FAHD2B: variants seen among roughly 807,000 people sequenced by gnomAD.
FAHD2B encodes the protein fumarylacetoacetate hydrolase domain containing 2B, also known as oxaloacetate tautomerase FAHD2B, mitochondrial.
A neutral mutation model predicts 33.7 loss-of-function variants in FAHD2B; 26 were observed. The ratio of observed to expected loss-of-function variants is 0.77; its 90% CI spans 0.57 to 1.07. FAHD2B has a LOEUF of 1.07. Among genes scored for constraint, FAHD2B ranks in the 50% least tolerant of loss-of-function variants. The pLI, the probability that FAHD2B is intolerant of heterozygous loss-of-function variation, is 0.00. For missense variants in FAHD2B, 272 were observed against 388.1 expected, an observed-to-expected ratio of 0.70 and a Z score of 2.51; for synonymous variants, 108 against 150.9, an observed-to-expected ratio of 0.72 and a Z score of 2.08.
At chr2:97,089,899 A>G (rs2032229342) in intron 4 of FAHD2B, 5 of 613,810 alleles carry the variant, frequency 8.1e-6, no homozygotes, top group Non-Finnish European at 8.8e-6. Flanking sequence ...TGTTTTATCT[A>G]CAGTGAAGGT....
downstream of FAHD2B, among the ~76,000 whole-genome samples, chr2:97,079,813 C>T (rs1406422781): frequency 1.3e-5 from 2 of 151,796 alleles, no homozygotes; most frequent in Admixed American, 6.6e-5. Context: ...TACAGGCATG[C>T]ACCACCACGC....
chr2:97,082,665 C>T, downstream of FAHD2B: 1 of 1,564,420 alleles, frequency 6.4e-7, no homozygotes. Flanking sequence ...GCTCCCTGTC[C>T]TCCCTACCTA....
At chr2:97,086,488 CT>C (rs1258099126) in intron 4 of FAHD2B, 30 of 438,268 alleles carry the variant, frequency 6.8e-5, no homozygotes, top group Non-Finnish European at 7.1e-5. Flanking sequence ...ACTCTGGATA[CT>C]TTTAACAAAG....
At position 97,091,533 on chromosome 2, in the gene FAHD2B, A is replaced by G; in HGVS notation, c.174T>C (p.Phe58=). The G allele has an allele frequency of 1.2e-6, 2 of 1,613,604 alleles. No individual in the cohort carries two copies. Among genetic ancestry groups the G allele is most frequent in the Non-Finnish European group, 1.7e-6 (2 of 1,179,924 alleles). Reference sequence around the variant, plus strand: ...TCATCGTCTTTGGGAGTGTGGGGTCAAAGGCATTGAGGTTGATAACCCCTC... The same window carrying G: ...TCATCGTCTTTGGGAGTGTGGGGTCGAAGGCATTGAGGTTGATAACCCCTC... ...NGGGVINLNA[F]DPTLPKTMTQ... Residue 58 remains phenylalanine, a synonymous_variant, in exon 3 of 9, where the codon TTT becomes TTC. Coordinates refer to ENST00000414820, the MANE Select transcript of FAHD2B (RefSeq NM_001320848.2).
downstream of FAHD2B, chr2:97,082,414 A>C: frequency 6.2e-7 from 1 of 1,613,696 alleles, no homozygotes; most frequent in South Asian, 1.1e-5. Context: ...GGCTACACAG[A>C]CCAGCTGTTC....
chr2:97,089,254 C>T (rs1456554493), intron 4 of FAHD2B, among the ~76,000 whole-genome samples: 6 of 151,938 alleles, frequency 3.9e-5, no homozygotes, highest in South Asian at 4.2e-4. Context: ...GGTGTGGTGA[C>T]TCACACCTGT....
chr2:97,083,978 A>G lies in FAHD2B; in HGVS notation c.852T>C (p.Gly284=). 1.9e-6 allele frequency: 3 copies of G among 1,613,812 alleles called. No homozygotes were observed. Among genetic ancestry groups the G allele is most frequent in the Non-Finnish European group, 2.5e-6 (3 of 1,179,972 alleles). ...VILTGTPPGV[G]VFRKPPVFLK... is the part of the protein sequence containing the mutation. ...GAAAGACAGGAGGTTTCCTGAATAC[A>G]CCGACACCTGGGGGGGTCCCAGTTA... The change falls in exon 8 of 9, where the codon GGT becomes GGC. Residue 284 remains glycine, a synonymous_variant. Transcript: ENST00000414820.
At chr2:97,090,394 G>T (rs2153383497) in intron 3 of FAHD2B, 69 bp from the exon 4 acceptor site, 1 of 1,471,462 alleles carries the variant, frequency 6.8e-7, no homozygotes, top group Non-Finnish European at 9.0e-7. Flanking sequence ...AGGCTGGGCA[G>T]ATCCTGCAGC....
At chr2:97,090,521 A>G (rs951095397) in intron 3 of FAHD2B, among the ~76,000 whole-genome samples, 196 bp from the exon 4 acceptor site, 21 of 152,202 alleles carry the variant, frequency 1.4e-4, no homozygotes, top group East Asian at 9.6e-4. Flanking sequence ...TTTATCCAGT[A>G]TTGATTTCCT....
At chr2:97,088,221 A>G (rs1340691623) in intron 4 of FAHD2B, among the ~76,000 whole-genome samples, 1 of 152,134 alleles carries the variant, frequency 6.6e-6, no homozygotes, top group Non-Finnish European at 1.5e-5. Context: ...AATTGTTGCA[A>G]AACAGACCAT....
downstream of FAHD2B, chr2:97,082,740 G>C: frequency 6.4e-7 from 1 of 1,565,700 alleles, no homozygotes; most frequent in Middle Eastern, 1.7e-4. Flanking sequence ...GTGCTATCTG[G>C]ACCTTCAGAG....
At chr2:97,093,850 G>A (rs2032505873) in intron 1 of FAHD2B, among the ~76,000 whole-genome samples, 2 of 152,120 alleles carry the variant, frequency 1.3e-5, no homozygotes, top group Non-Finnish European at 2.9e-5. Flanking sequence ...GGCTTAAAGC[G>A]GTTAAGGGAT....
downstream of FAHD2B, chr2:97,083,073 C>T: frequency 6.9e-7 from 1 of 1,445,570 alleles, no homozygotes; most frequent in Non-Finnish European, 9.2e-7. Flanking sequence ...GGGGGACAGG[C>T]CTGGCCCCTG....
chr2:97,089,644 A>AC (rs2032209587), intron 4 of FAHD2B: 1 of 157,620 alleles, frequency 6.3e-6, no homozygotes, highest in Non-Finnish European at 1.4e-5. Flanking sequence ...TCCAGCAGTA[A>AC]GGTACTCAGG....
At chr2:97,081,180 C>A, downstream of FAHD2B, 1 of 1,483,120 alleles carries the variant, frequency 6.7e-7, no homozygotes, top group Non-Finnish European at 9.0e-7. Flanking sequence ...TGCTGCTGAG[C>A]CAGAATGAGC....
downstream of FAHD2B, among the ~76,000 whole-genome samples, chr2:97,080,205 T>C (rs1173778460): frequency 6.6e-6 from 1 of 152,138 alleles, no homozygotes; most frequent in African/African-American, 2.4e-5. Flanking sequence ...GGCTTTCTTC[T>C]AGGATTTTTA....
downstream of FAHD2B, among the ~76,000 whole-genome samples, chr2:97,079,659 T>C (rs56013614): frequency 2.1e-3 from 312 of 145,828 alleles, 3 homozygotes; most frequent in Middle Eastern, 3.6e-3. Flanking sequence ...ATTTTATTTT[T>C]TCTTTTCTTT....
intron 4 of FAHD2B, among the ~76,000 whole-genome samples, chr2:97,089,207 A>C (rs901468638): frequency 6.6e-6 from 1 of 152,024 alleles, no homozygotes; most frequent in African/African-American, 2.4e-5. Context: ...ATAATATTCA[A>C]ATCCTAAGAG....
intron 4 of FAHD2B, among the ~76,000 whole-genome samples, chr2:97,087,452 C>G (rs960664203): frequency 6.6e-6 from 1 of 151,998 alleles, no homozygotes; most frequent in Admixed American, 6.6e-5. Flanking sequence ...AATCCCAGCA[C>G]TTTGGGAGGC....
Sources: gnomAD v4.1 joint callset for allele counts (sites outside exome capture counted in the v4.1 genomes callset) on GRCh38, gnomAD v4.1.1 for gene constraint, MANE v1.5 for transcripts, NCBI Gene and HGNC (gene_info 2026-07-23, HGNC 2026-07-21) for gene names.